SMARCC1: variants seen among roughly 807,000 people sequenced by gnomAD.
SMARCC1 encodes SWI/SNF related BAF chromatin remodeling complex subunit C1.
A neutral mutation model predicts 147.4 loss-of-function variants in SMARCC1; 43 were observed. The observed-to-expected ratio is 0.29, with a 90% confidence interval of 0.23 to 0.38. The LOEUF (loss-of-function observed/expected upper bound fraction) is 0.38. Among genes scored for constraint, SMARCC1 ranks in the 10% least tolerant of loss-of-function variants. The probability of loss-of-function intolerance (pLI) is 1.00; values close to 1 mark genes in which losing one functional copy is unlikely to be tolerated. For missense variants in SMARCC1, 1,119 were observed against 1,381.1 expected (o/e 0.81, Z 3.01); for synonymous variants, 495 against 484.4 (o/e 1.02, Z -0.29).
chr3:47,622,222 G>A lies in SMARCC1; in HGVS notation c.2766C>T (p.Asp922=), dbSNP rs771650118. ...AAATACTTACAGCTTCTTTCTCTCT[G>A]TCCATGATAGTTTCCAGCTCTTCAA... The part of the protein sequence containing the change: ...RHFEELETIM[D]REKEALEQQR... The change falls in exon 25 of 28, where the codon GAC becomes GAT. Residue 922 remains aspartate (D), a synonymous_variant. Transcript: ENST00000254480. 1.2e-6 allele frequency: 2 copies of A among 1,605,038 alleles called. No individual in the cohort carries two copies. The highest frequency in any genetic ancestry group is 1.7e-6 in the Non-Finnish European group (2 of 1,177,974).
At chr3:47,646,381 C>G (rs2033121556) in intron 21 of SMARCC1, among the ~76,000 whole-genome samples, 2 of 152,154 alleles carry the variant, frequency 1.3e-5, no homozygotes, top group Non-Finnish European at 2.9e-5. Flanking sequence ...GATAAACCAA[C>G]AGGTTAAAAA....
At chr3:47,683,949 A>G (rs1388466182) in intron 14 of SMARCC1, among the ~76,000 whole-genome samples, 1 of 150,032 alleles carries the variant, frequency 6.7e-6, no homozygotes, top group Non-Finnish European at 1.5e-5. Context: ...CTCATAAGCA[A>G]TCAATAAAAA....
chr3:47,613,745 C>G (rs967325511), intron 25 of SMARCC1, among the ~76,000 whole-genome samples: 43 of 152,142 alleles, frequency 2.8e-4, no homozygotes, highest in African/African-American at 1.0e-3. Flanking sequence ...GTTTTTCATA[C>G]AAGGCTGCCT....
chr3:47,635,419 A>G (rs2032956141), intron 23 of SMARCC1, 75 bp from the exon 24 acceptor site: 7 of 1,248,554 alleles, frequency 5.6e-6, no homozygotes, highest in South Asian at 3.7e-5. Context: ...CTCCACCACT[A>G]TAACAAACTA....
At chr3:47,757,218 T>C (rs1381446352) in intron 2 of SMARCC1, among the ~76,000 whole-genome samples, 3 of 151,664 alleles carry the variant, frequency 2.0e-5, no homozygotes, top group Non-Finnish European at 2.9e-5. Flanking sequence ...GGCAATGTAC[T>C]CCAGCCTGGG....
At chr3:47,603,989 C>G (rs1252369742) in intron 26 of SMARCC1, 1 of 456,814 alleles carries the variant, frequency 2.2e-6, no homozygotes, top group Non-Finnish European at 4.4e-6. Flanking sequence ...TAGAGGCATG[C>G]ACGCAGTAGT....
At chr3:47,593,504 T>C (rs573866941) in intron 26 of SMARCC1, among the ~76,000 whole-genome samples, 1 of 152,286 alleles carries the variant, frequency 6.6e-6, no homozygotes, top group Non-Finnish European at 1.5e-5. Flanking sequence ...AATTATATTC[T>C]CTACAGAATA....
chr3:47,693,883 G>A (rs895353177), intron 11 of SMARCC1, among the ~76,000 whole-genome samples: 1 of 152,034 alleles, frequency 6.6e-6, no homozygotes, highest in Non-Finnish European at 1.5e-5. Flanking sequence ...GGCTGGTCTC[G>A]AACTCCTGAG....
intron 11 of SMARCC1, 139 bp downstream of exon 11, chr3:47,701,139 A>C: frequency 3.3e-6 from 2 of 599,184 alleles, no homozygotes; most frequent in Non-Finnish European, 2.7e-6. Context: ...AAAATTAAAA[A>C]AAGATATCCA....
In SMARCC1 at chr3:47,736,126, T is replaced by C. The variant is rs1458112420; in HGVS notation, c.484A>G (p.Asn162Asp). ...ATGTTGGGTCTGGTCAAACAATTGT[T>C]CTGAGGATGAAAAGAACAGACTTTC... ...FMNIEKTLVQ[N>D]NCLTRPNIYL... is the part of the protein sequence containing the mutation. The change falls in exon 5 of 28, where the codon AAC becomes GAC. Residue 162 changes from asparagine (N) to aspartate (D), a missense_variant and splice_region_variant. Physicochemically the swap from Asn to Asp is conservative, Grantham distance 23. Coordinates refer to ENST00000254480, the MANE Select transcript of SMARCC1 (RefSeq NM_003074.4). 6.5e-6 allele frequency: 10 copies of C among 1,539,552 alleles called. No homozygotes were observed. The highest frequency in any genetic ancestry group is 8.9e-6 in the Non-Finnish European group (10 of 1,125,756).
chr3:47,632,911 C>T (rs2032911753), intron 24 of SMARCC1, among the ~76,000 whole-genome samples: 2 of 151,730 alleles, frequency 1.3e-5, no homozygotes, highest in East Asian at 1.9e-4. Flanking sequence ...TAACATGTTC[C>T]TATTTGCATT....
chr3:47,610,242 T>G lies in SMARCC1; in HGVS notation c.2867A>C (p.Gln956Pro), dbSNP rs1288487847. 6.2e-7 allele frequency: 1 copy of G among 1,614,224 alleles called. No homozygotes were observed. Among genetic ancestry groups the G allele is most frequent in the South Asian group, 1.1e-5 (1 of 91,084 alleles). ...GCCATGCTGCTGCTGTTCCATTTGC[T>G]GTCGTGCTCGTAATTCAGCATACTT... ...QLKYAELRAR[Q>P]QMEQQQHGQN... Residue 956 changes from glutamine to proline, a missense_variant, in exon 26 of 28, where the codon CAG becomes CCG. Physicochemically the swap from Gln to Pro is moderately conservative, Grantham distance 76. Coordinates refer to ENST00000254480, the MANE Select transcript of SMARCC1 (RefSeq NM_003074.4).
chr3:47,749,865 G>A (rs2034609910), intron 2 of SMARCC1, among the ~76,000 whole-genome samples: 1 of 150,998 alleles, frequency 6.6e-6, no homozygotes, highest in Admixed American at 6.6e-5. Flanking sequence ...GGTGGATCAC[G>A]AGGTCAGGAG....
rs543949285 is a variant in SMARCC1, at chr3:47,680,308, T to C, written c.1457+129A>G. 208 of 723,216 alleles carry C rather than the reference T, an allele frequency of 2.9e-4. No individual in the cohort carries two copies. In the African/African-American group the frequency reaches 3.2e-3, roughly 11 times the overall value. 44.8% of individuals were successfully genotyped at this position (723,216 alleles called of 1,614,324 possible). A position where few individuals can be genotyped will look rare whatever the true frequency, so the allele number is the denominator to read the frequency against. On this transcript the variant is annotated intron_variant, in intron 15 of 27. Coordinates refer to ENST00000254480, the MANE Select transcript of SMARCC1 (RefSeq NM_003074.4). ...ACCATGGAATGCTATGCAAATGAGATATGAACACTGTTCTGAAAGGAGTAT... is the reference window on the plus strand; with the variant it reads ...ACCATGGAATGCTATGCAAATGAGACATGAACACTGTTCTGAAAGGAGTAT...
chr3:47,710,922 A>G (rs1368315995), intron 8 of SMARCC1, 114 bp from the exon 9 acceptor site: 6 of 691,716 alleles, frequency 8.7e-6, no homozygotes, highest in Non-Finnish European at 1.2e-5. Flanking sequence ...TGCATAAAAC[A>G]TTAATAATGT....
At chr3:47,642,737 C>A (rs1446571025) in intron 21 of SMARCC1, among the ~76,000 whole-genome samples, 1 of 152,056 alleles carries the variant, frequency 6.6e-6, no homozygotes, top group African/African-American at 2.4e-5. Flanking sequence ...AGTACATATG[C>A]TTTGGGAAAA....
At chr3:47,660,250 T>C (rs2033326533) in intron 21 of SMARCC1, among the ~76,000 whole-genome samples, 1 of 151,486 alleles carries the variant, frequency 6.6e-6, no homozygotes, top group South Asian at 2.1e-4. Context: ...ATCGAGACCA[T>C]CCTGGCCAAC....
At position 47,675,519 on chromosome 3, in the gene SMARCC1, A is replaced by G. The variant is rs1412883765; in HGVS notation, c.1795T>C (p.Phe599Leu). ...NKEKPVDLQN[F>L]GLRTDIYSKK... ...GAGTAAATGTCAGTACGGAGACCAA[A>G]GTTCTGCAAATCAACTGGTTTTTCC... is the stretch of plus-strand genomic sequence containing the variant. Residue 599 changes from phenylalanine to leucine, a missense_variant, in exon 18 of 28, where the codon TTT becomes CTT. Transcript: ENST00000254480. The G allele has an allele frequency of 6.2e-7, 1 of 1,613,060 alleles. No homozygotes were observed. The highest frequency in any genetic ancestry group is 8.5e-7 in the Non-Finnish European group (1 of 1,179,004).
At chr3:47,751,546 A>C (rs920906701) in intron 2 of SMARCC1, among the ~76,000 whole-genome samples, 6 of 26,568 alleles carry the variant, frequency 2.3e-4, no homozygotes, top group Non-Finnish European at 4.6e-4. Flanking sequence ...GTCTCAAAAA[A>C]AAAAAAAAAG....
Sources: allele counts gnomAD v4.1 joint callset (sites outside exome capture counted in the v4.1 genomes callset), GRCh38; gene constraint gnomAD v4.1.1; transcripts MANE v1.5; gene names NCBI Gene and HGNC (gene_info 2026-07-23, HGNC 2026-07-21).